The following SMNDC1 variants were observed in gnomAD, a reference collection of about 807,000 sequenced individuals.
SMNDC1 encodes the protein survival of motor neuron-related-splicing factor 30.
In SMNDC1, 5 loss-of-function variants were observed where a neutral mutation model predicts 29.2. That is an observed-to-expected ratio of 0.17 (90% confidence interval 0.09 to 0.36). The LOEUF is 0.36. Among genes scored for constraint, SMNDC1 ranks in the 10% least tolerant of loss-of-function variants. The pLI is 1.00. For missense variants in SMNDC1, 142 were observed against 268.5 expected (o/e 0.53, Z 3.29); for synonymous variants, 80 against 89.9 (o/e 0.89, Z 0.62).
intron 1 of SMNDC1, 140 bp from the exon 2 acceptor site, chr10:110,303,727 C>T: frequency 1.4e-6 from 1 of 697,526 alleles, no homozygotes; most frequent in Non-Finnish European, 2.2e-6. Context: ...CCACCATTAC[C>T]TTTACTCTCA....
intron 1 of SMNDC1, chr10:110,304,271 T>G (rs541258491): frequency 1.3e-5 from 2 of 152,322 alleles, no homozygotes; most frequent in African/African-American, 4.8e-5. Flanking sequence ...TAAGCAAATG[T>G]ACCACGTTTC....
In SMNDC1 at chr10:110,294,566, A is replaced by C. The variant is rs373047749; in HGVS notation, c.580-279T>G. On this transcript the variant is annotated intron_variant, in intron 5 of 5. Coordinates refer to ENST00000369603, the MANE Select transcript of SMNDC1 (RefSeq NM_005871.4). ...TTTAGTTTTGTAAACGCAAATCCTA[A>C]CTTCAGCTGTGAGCTAGCCATTCTA... Among the ~76,000 whole-genome samples the C allele has an allele frequency of 7.9e-5, 12 of 152,324 alleles. No homozygotes were observed. The South Asian group carries it at 2.5e-3, about 32-fold the overall frequency.
chr10:110,303,797 G>A, intron 1 of SMNDC1: 1 of 494,202 alleles, frequency 2.0e-6, no homozygotes, highest in Non-Finnish European at 3.5e-6. Flanking sequence ...TTATAAACTT[G>A]AGATACATTC....
chr10:110,303,872 G>C, intron 1 of SMNDC1: 1 of 311,354 alleles, frequency 3.2e-6, no homozygotes, highest in Middle Eastern at 8.7e-4. Context: ...CTATCCACAG[G>C]GTAGGTGCTG....
intron 4 of SMNDC1, among the ~76,000 whole-genome samples, chr10:110,295,931 T>A (rs1297709259): frequency 6.6e-6 from 1 of 152,230 alleles, no homozygotes; most frequent in African/African-American, 2.4e-5. Context: ...CTTGAGCCAC[T>A]GCGCCCAGCC....
chr10:110,303,922 C>T (rs142592693), intron 1 of SMNDC1: 1 of 215,018 alleles, frequency 4.7e-6, no homozygotes, highest in East Asian at 1.3e-4. Flanking sequence ...TTAAAAAGCA[C>T]TACTCTGTTG....
intron 4 of SMNDC1, 98 bp from the exon 5 acceptor site, chr10:110,295,479 A>G (rs1857551979): frequency 4.9e-6 from 4 of 816,144 alleles, no homozygotes; most frequent in Non-Finnish European, 7.3e-6. Flanking sequence ...TCTAATAAAC[A>G]TATACAATGG....
chr10:110,294,360 GT>G, intron 5 of SMNDC1, 73 bp from the exon 6 acceptor site: 2 of 1,225,116 alleles, frequency 1.6e-6, no homozygotes, highest in Non-Finnish European at 1.1e-6. Context: ...TTTAAGTAAT[GT>G]TAAAATATAT....
intron 2 of SMNDC1, among the ~76,000 whole-genome samples, chr10:110,301,514 C>G (rs1254675799): frequency 6.6e-6 from 1 of 152,236 alleles, no homozygotes; most frequent in African/African-American, 2.4e-5. Flanking sequence ...TTATTACTAT[C>G]TGAAGTATTA....
At chr10:110,303,385 C>T (rs1188726552) in intron 2 of SMNDC1, 83 bp downstream of exon 2, 1 of 1,358,670 alleles carries the variant, frequency 7.4e-7, no homozygotes. Context: ...GGTGTAACCC[C>T]TCAAAAGGCG....
intron 4 of SMNDC1, among the ~76,000 whole-genome samples, chr10:110,296,441 AAT>A (rs1391514787): frequency 2.0e-5 from 3 of 152,222 alleles, no homozygotes; most frequent in African/African-American, 7.2e-5. Context: ...TGCTTACATT[AAT>A]ATATAATTTT....
chr10:110,300,893 G>A (rs1332748816), intron 2 of SMNDC1, among the ~76,000 whole-genome samples: 2 of 152,164 alleles, frequency 1.3e-5, no homozygotes, highest in Non-Finnish European at 2.9e-5. Flanking sequence ...ACTTTTTTAA[G>A]TGAAAAAAGA....
In SMNDC1 at chr10:110,295,282, T is replaced by G; in HGVS notation, c.525A>C (p.Lys175Asn). 1 of 1,609,532 alleles carries G rather than the reference T, an allele frequency of 6.2e-7. No homozygotes were observed. Among genetic ancestry groups the G allele is most frequent in the Non-Finnish European group, 8.5e-7 (1 of 1,178,920 alleles). Residue 175 changes from lysine (K) to asparagine (N), a missense_variant, in exon 5 of 6, where the codon AAA becomes AAC. Physicochemically the swap from Lys to Asn is moderately conservative, Grantham distance 94. Coordinates refer to ENST00000369603, the MANE Select transcript of SMNDC1 (RefSeq NM_005871.4). ...TGTTGTTGAATTGTTGCCATTTCACTTTCTGGTCCTCTCTTTCCTGCTCAA... is the reference window on the plus strand; with the variant it reads ...TGTTGTTGAATTGTTGCCATTTCACGTTCTGGTCCTCTCTTTCCTGCTCAA... ...KELEQEREDQ[K>N]VKWQQFNNRA...
Position 110,303,538 on chromosome 10 carries a change from T to A in SMNDC1, c.50A>T (p.Gln17Leu), listed in dbSNP as rs908220141. 6 of 1,582,644 alleles carry A rather than the reference T, an allele frequency of 3.8e-6. No homozygotes were observed. The African/African-American group carries it at 6.9e-5, about 18-fold the overall frequency. Residue 17 changes from glutamine to leucine, a missense_variant, in exon 2 of 6, where the codon CAG becomes CTG. By Grantham distance (113) the Gln-to-Leu change is moderately radical (BLOSUM62 -2). This residue lies in a region of SMNDC1 where 20 missense variants were observed against 21.4 expected (regional missense o/e 0.93). Coordinates refer to ENST00000369603, the MANE Select transcript of SMNDC1 (RefSeq NM_005871.4). Reference protein sequence around the residue: ...KQLASYKAQLQQVEAALSGNG... With the variant: ...KQLASYKAQLLQVEAALSGNG... ...TCCAGATAATGCAGCTTCAACTTGC[T>A]GGAGCTGAGCTTTGTAGCTTGCCAG...
intron 4 of SMNDC1, among the ~76,000 whole-genome samples, chr10:110,295,905 G>C: frequency 6.6e-6 from 1 of 152,322 alleles, no homozygotes; most frequent in East Asian, 1.9e-4. Context: ...GCCTCCCAAA[G>C]TGTTGGGATT....
intron 4 of SMNDC1, among the ~76,000 whole-genome samples, chr10:110,296,099 G>A (rs974913553): frequency 9.9e-5 from 15 of 152,128 alleles, no homozygotes; most frequent in Admixed American, 8.5e-4. Context: ...GAAGAGATTC[G>A]ATGCAGATAA....
chr10:110,295,078 A>T, intron 5 of SMNDC1, 150 bp downstream of exon 5: 1 of 641,372 alleles, frequency 1.6e-6, no homozygotes, highest in Non-Finnish European at 2.6e-6. Context: ...AACATTTTTC[A>T]ATAAGTTAAA....
chr10:110,296,206 T>C (rs1260409236), intron 4 of SMNDC1, among the ~76,000 whole-genome samples: 1 of 152,084 alleles, frequency 6.6e-6, no homozygotes, highest in Non-Finnish European at 1.5e-5. Context: ...TCAAAAACAT[T>C]CTAAATAAGA....
chr10:110,304,252 G>A (rs1183190298), intron 1 of SMNDC1: 1 of 152,136 alleles, frequency 6.6e-6, no homozygotes, highest in Non-Finnish European at 1.5e-5. Flanking sequence ...AACCTTTTTT[G>A]ATGGTTTATA....
Sources: gnomAD v4.1 joint callset for allele counts (sites outside exome capture counted in the v4.1 genomes callset) on GRCh38, gnomAD v4.1.1 for gene constraint, gnomAD v4.1.1 regional missense constraint, MANE v1.5 for transcripts, NCBI Gene and HGNC (gene_info 2026-07-23, HGNC 2026-07-21) for gene names.